Variants in TDRD7 observed in about 807,000 individuals in gnomAD.
The protein encoded by TDRD7 is tudor domain-containing protein 7.
In TDRD7, 47 loss-of-function variants were observed where a neutral mutation model predicts 109.8. The observed-to-expected ratio is 0.43, with a 90% confidence interval of 0.34 to 0.55. The LOEUF (loss-of-function observed/expected upper bound fraction) is 0.55, where lower values mean the gene tolerates loss of function less well. Among genes scored for constraint, TDRD7 ranks in the 20% least tolerant of loss-of-function variants. The pLI, the probability that TDRD7 is intolerant of heterozygous loss-of-function variation, is 0.03. For missense variants in TDRD7, 1,164 were observed against 1,319.2 expected, an observed-to-expected ratio of 0.88 and a Z score of 1.82; for synonymous variants, 424 against 457.3, an observed-to-expected ratio of 0.93 and a Z score of 0.93.
At chr9:97,465,166 A>G (rs892773183) in intron 8 of TDRD7, 138 bp downstream of exon 8, 13 of 1,113,844 alleles carry the variant, frequency 1.2e-5, no homozygotes, top group Admixed American at 2.6e-5. Context: ...AGTTGAAAAG[A>G]TAATATCTGT....
chr9:97,482,628 T>A (rs1269540471), intron 14 of TDRD7, among the ~76,000 whole-genome samples: 3 of 152,232 alleles, frequency 2.0e-5, no homozygotes, highest in Non-Finnish European at 4.4e-5. Flanking sequence ...TAAAGATTAG[T>A]AAATTTTTTA....
chr9:97,414,614 T>A (rs186347222), intron 1 of TDRD7, among the ~76,000 whole-genome samples: 1 of 152,332 alleles, frequency 6.6e-6, no homozygotes. Flanking sequence ...TATGTAGACT[T>A]ATGGAAATCC....
chr9:97,471,256 G>A (rs959953715), intron 9 of TDRD7, among the ~76,000 whole-genome samples: 4 of 152,150 alleles, frequency 2.6e-5, no homozygotes, highest in African/African-American at 9.7e-5. Flanking sequence ...ATAAGGAAAG[G>A]CATTGAAATA....
chr9:97,419,230 G>T (rs1199915816), intron 1 of TDRD7, among the ~76,000 whole-genome samples: 1 of 152,190 alleles, frequency 6.6e-6, no homozygotes, highest in South Asian at 2.1e-4. Flanking sequence ...ACTGATGGGA[G>T]GGATTGGGTT....
intron 4 of TDRD7, among the ~76,000 whole-genome samples, chr9:97,438,359 T>C (rs768943737): frequency 1.4e-4 from 22 of 152,218 alleles, no homozygotes; most frequent in Non-Finnish European, 2.9e-5. Flanking sequence ...TTCCATACTA[T>C]TCAAAAACTG....
Position 97,432,246 on chromosome 9 carries a change from G to T in TDRD7, c.563+8G>T. ...CATGTCCACCAACAACAGGTATTTG[G>T]CCTCTGACTCACAGAAGTTTGGTGA... On this transcript the variant is annotated splice_region_variant and intron_variant, in intron 4 of 16. Transcript: ENST00000355295. 6 of 1,612,938 alleles carry T rather than the reference G, an allele frequency of 3.7e-6. No individual in the cohort carries two copies. The highest frequency in any genetic ancestry group is 5.1e-6 in the Non-Finnish European group (6 of 1,179,078).
chr9:97,444,190 T>C (rs1295586271), intron 6 of TDRD7, among the ~76,000 whole-genome samples: 1 of 152,226 alleles, frequency 6.6e-6, no homozygotes, highest in Non-Finnish European at 1.5e-5. Flanking sequence ...TATTGCGTTA[T>C]TATATTCCGT....
intron 1 of TDRD7, among the ~76,000 whole-genome samples, chr9:97,426,418 AT>A (rs1182169461): frequency 2.0e-5 from 3 of 151,746 alleles, no homozygotes; most frequent in African/African-American, 7.3e-5. Context: ...CATCCAGCTA[AT>A]TTTTCTATTT....
chr9:97,432,515 T>C (rs1413755077), intron 4 of TDRD7, among the ~76,000 whole-genome samples: 1 of 152,222 alleles, frequency 6.6e-6, no homozygotes, highest in African/African-American at 2.4e-5. Flanking sequence ...GTATAACTTA[T>C]AACTTTTTCA....
intron 11 of TDRD7, 36 bp downstream of exon 11, chr9:97,473,662 C>T: frequency 6.2e-7 from 1 of 1,612,614 alleles, no homozygotes; most frequent in East Asian, 2.2e-5. Context: ...AAAATTAGCC[C>T]TAAAATTACA....
At position 97,416,862 on chromosome 9, in the gene TDRD7, C is replaced by T. The variant is rs193105369; in HGVS notation, c.-7+4624C>T. Reference sequence around the variant, plus strand: ...CTCGGTGGGCTAGGCACTAGGGATTCAGCAATGAACAAAACAGACACAAAT... The same window carrying T: ...CTCGGTGGGCTAGGCACTAGGGATTTAGCAATGAACAAAACAGACACAAAT... On this transcript the variant is annotated intron_variant, in intron 1 of 16. Transcript: ENST00000355295. Among the ~76,000 whole-genome samples, 296 of 141,262 alleles carry T rather than the reference C, an allele frequency of 2.1e-3. 3 individuals are homozygous for T. The highest frequency in any genetic ancestry group is 7.4e-3 in the African/African-American group (282 of 38,024). The allele number at this position is 141,262 out of a possible 152,430, so 92.7% of individuals were successfully genotyped here.
chr9:97,480,342 C>T (rs1217287257), intron 13 of TDRD7: 1 of 196,378 alleles, frequency 5.1e-6, no homozygotes. Context: ...GTTCAAAAGG[C>T]AAACAAATGT....
chr9:97,478,502 T>G lies in TDRD7; in HGVS notation c.2230T>G (p.Ser744Ala). Reference sequence around the variant, plus strand: ...GTTCCTGGACTCTGGCACTGTGACATCTGTAAAAGTGTCAGAGCTCAGGGA... The same window carrying G: ...GTTCCTGGACTCTGGCACTGTGACAGCTGTAAAAGTGTCAGAGCTCAGGGA... Reference protein sequence around the residue: ...VQFLDSGTVTSVKVSELREIP... With the variant: ...VQFLDSGTVTAVKVSELREIP... The change falls in exon 13 of 17, where the codon TCT becomes GCT. Residue 744 changes from serine to alanine, a missense_variant. By Grantham distance (99) the Ser-to-Ala change is moderately conservative. Transcript: ENST00000355295. 3.7e-6 allele frequency: 6 copies of G among 1,614,002 alleles called. No individual in the cohort carries two copies. The highest frequency in any genetic ancestry group is 5.1e-6 in the Non-Finnish European group (6 of 1,179,950).
intron 1 of TDRD7, among the ~76,000 whole-genome samples, chr9:97,416,524 G>T (rs1035969900): frequency 6.6e-6 from 1 of 152,158 alleles, no homozygotes; most frequent in Non-Finnish European, 1.5e-5. Flanking sequence ...CGTGCCTGCT[G>T]CTTGTCAGGA....
In TDRD7 at chr9:97,475,404, G is replaced by A. The variant is rs1458336144; in HGVS notation, c.2101G>A (p.Val701Ile). Residue 701 changes from valine to isoleucine, a missense_variant, in exon 12 of 17, where the codon GTT (valine) becomes ATT (isoleucine). By Grantham distance (29) the Val-to-Ile change is conservative. Coordinates refer to ENST00000355295, the MANE Select transcript of TDRD7 (RefSeq NM_014290.3). ...HCKHMTSECFVSLPFCGKICL... is the reference protein window; with the variant it reads ...HCKHMTSECFISLPFCGKICL... ...GCAGCACATGACCTCTGAGTGCTTT[G>A]TTTCATTACCCTTCTGTGGGAAAAT... 1 of 1,613,466 alleles carries A rather than the reference G, an allele frequency of 6.2e-7. No individual in the cohort carries two copies. The highest frequency in any genetic ancestry group is 8.5e-7 in the Non-Finnish European group (1 of 1,179,688).
intron 1 of TDRD7, among the ~76,000 whole-genome samples, chr9:97,421,955 C>G (rs567473783): frequency 4.9e-4 from 74 of 152,116 alleles, no homozygotes; most frequent in South Asian, 2.3e-3. Context: ...TACTATTAGC[C>G]TTTTCATTTA....
chr9:97,422,687 AGGTTAAG>A (rs1460562725), intron 1 of TDRD7, among the ~76,000 whole-genome samples: 2 of 152,162 alleles, frequency 1.3e-5, no homozygotes, highest in Non-Finnish European at 2.9e-5. Flanking sequence ...GGTCTTTATC[AGGTTAAG>A]GACTTCCCAT....
At chr9:97,432,852 A>G (rs1389090551) in intron 4 of TDRD7, among the ~76,000 whole-genome samples, 2 of 152,222 alleles carry the variant, frequency 1.3e-5, no homozygotes, top group African/African-American at 2.4e-5. Flanking sequence ...GCAAACTACA[A>G]TCGATGGACT....
intron 16 of TDRD7, among the ~76,000 whole-genome samples, chr9:97,492,872 A>G (rs1760971740): frequency 3.9e-5 from 6 of 152,234 alleles, no homozygotes; most frequent in Admixed American, 3.9e-4. Flanking sequence ...GGCGGAGAGT[A>G]TGTCTCTCTT....
Sources: allele counts gnomAD v4.1 joint callset (sites outside exome capture counted in the v4.1 genomes callset), GRCh38; gene constraint gnomAD v4.1.1; transcripts MANE v1.5; gene names NCBI Gene and HGNC (gene_info 2026-07-23, HGNC 2026-07-21).